DCBLD1: variants seen among roughly 807,000 people sequenced by gnomAD.
DCBLD1 encodes discoidin, CUB and LCCL domain-containing protein 1.
Under a neutral mutation model 71.5 loss-of-function variants are expected in DCBLD1, and 57 were observed. That is an observed-to-expected ratio of 0.80 (90% confidence interval 0.64 to 0.99). The LOEUF (loss-of-function observed/expected upper bound fraction) is 0.99, where lower values mean the gene tolerates loss of function less well. DCBLD1 is among the 50% of genes least tolerant of loss of function. The pLI is 0.00. For synonymous variants in DCBLD1, 380 were observed against 363.8 expected (o/e 1.04, Z -0.51); for missense variants, 891 against 923.5 (o/e 0.96, Z 0.46).
chr6:117,490,110 CA>C (rs1562426783), intron 1 of DCBLD1, among the ~76,000 whole-genome samples: 3 of 151,994 alleles, frequency 2.0e-5, no homozygotes, highest in African/African-American at 7.3e-5. Context: ...CACACACACA[CA>C]CACACACACA....
At chr6:117,497,990 T>G (rs1236426158) in intron 1 of DCBLD1, among the ~76,000 whole-genome samples, 1 of 152,250 alleles carries the variant, frequency 6.6e-6, no homozygotes, top group Non-Finnish European at 1.5e-5. Context: ...TGTATTAAAG[T>G]GTTTTCATGT....
chr6:117,547,611 A>G (rs1779310744), intron 14 of DCBLD1: 1 of 667,918 alleles, frequency 1.5e-6, no homozygotes, highest in African/African-American at 1.8e-5. Flanking sequence ...GCTTCTCCAG[A>G]GCCAGTTTCA....
At chr6:117,517,074 T>C (rs1778225237) in intron 2 of DCBLD1, among the ~76,000 whole-genome samples, 2 of 152,182 alleles carry the variant, frequency 1.3e-5, no homozygotes, top group African/African-American at 4.8e-5. Flanking sequence ...AACTTAAAAG[T>C]CCACAGTCCA....
At chr6:117,532,178 C>T (rs1778745374) in intron 5 of DCBLD1, 82 bp from the exon 6 acceptor site, 3 of 1,514,520 alleles carry the variant, frequency 2.0e-6, no homozygotes, top group Admixed American at 4.6e-5. Flanking sequence ...CTATAAATTA[C>T]CACAGAAACA....
intron 3 of DCBLD1, among the ~76,000 whole-genome samples, chr6:117,520,414 G>T (rs1324425227): frequency 2.6e-5 from 4 of 152,114 alleles, no homozygotes; most frequent in African/African-American, 9.7e-5. Context: ...AAAAACCTTG[G>T]ATAACACACT....
At chr6:117,538,975 A>G in intron 8 of DCBLD1, 140 bp downstream of exon 8, 1 of 930,582 alleles carries the variant, frequency 1.1e-6, no homozygotes, top group Non-Finnish European at 1.6e-6. Context: ...AATGTAACAA[A>G]TCTTTACATT....
rs932331437 is a variant in DCBLD1, at chr6:117,548,256, A to G, written c.1965A>G (p.Pro655=). 6.4e-7 allele frequency: 1 copy of G among 1,550,646 alleles called. No individual in the cohort carries two copies. Residue 655 remains proline (P), a synonymous_variant, in exon 15 of 15, where the codon CCA becomes CCG. Transcript: ENST00000338728. ...CCCAGGACGGAGACTATCAAAGGCC[A>G]CACAGCGCACAGCCTGCGGACAGGG... is the stretch of plus-strand genomic sequence containing the variant. ...VGAQDGDYQR[P]HSAQPADRGY...
chr6:117,498,735 C>G (rs1036438826), intron 1 of DCBLD1, among the ~76,000 whole-genome samples: 1 of 152,088 alleles, frequency 6.6e-6, no homozygotes, highest in African/African-American at 2.4e-5. Flanking sequence ...TTCTGCATCA[C>G]CTCTTTTTTG....
At position 117,532,445 on chromosome 6, in the gene DCBLD1, G is replaced by A; in HGVS notation, c.719+52G>A. 7 of 1,507,212 alleles carry A rather than the reference G, an allele frequency of 4.6e-6. 1 individual carries two copies. The highest frequency in any genetic ancestry group is 1.8e-4 in the Middle Eastern group (1 of 5,666). The allele number at this position is 1,507,212 out of a possible 1,614,324, so 93.4% of individuals were successfully genotyped here. ...GTTCTGAGTAGAAGGTAACCCTGAA[G>A]GATAATTAACCAGCTCACAACTTTG... On this transcript the variant is annotated intron_variant, in intron 6 of 14. Coordinates refer to ENST00000338728, the MANE Select transcript of DCBLD1 (RefSeq NM_001366458.2).
intron 14 of DCBLD1, among the ~76,000 whole-genome samples, chr6:117,555,480 G>A (rs561287614): frequency 1.7e-4 from 26 of 152,258 alleles, no homozygotes; most frequent in African/African-American, 6.3e-4. Context: ...GGCACCTAGT[G>A]AGCATGACAC....
rs911697910 is a variant in DCBLD1, at chr6:117,537,108, C to T, written c.720-77C>T. On this transcript the variant is annotated intron_variant, in intron 6 of 14. Transcript: ENST00000338728. ...AGCACAGGTGGGAAAGTTCTGTGAG[C>T]CCTGGGATGTAGCTATATTAGTCAC... 1.1e-5 allele frequency: 16 copies of T among 1,458,762 alleles called. No homozygotes were observed. In the African/African-American group the frequency reaches 1.1e-4, roughly 10 times the overall value. 90.4% of individuals were successfully genotyped at this position (1,458,762 alleles called of 1,614,324 possible).
intron 7 of DCBLD1, among the ~76,000 whole-genome samples, chr6:117,537,638 C>CTTTTT (rs1249795592): frequency 1.8e-3 from 105 of 58,032 alleles, no homozygotes; most frequent in Non-Finnish European, 2.2e-3. Flanking sequence ...TTTTTTTTTC[C>CTTTTT]TTTTTTCTCA....
intron 3 of DCBLD1, among the ~76,000 whole-genome samples, chr6:117,520,539 G>A (rs1778352447): frequency 6.6e-6 from 1 of 152,122 alleles, no homozygotes; most frequent in South Asian, 2.1e-4. Flanking sequence ...CGCAACACAC[G>A]CCAGTACACC....
intron 2 of DCBLD1, among the ~76,000 whole-genome samples, chr6:117,518,498 C>T (rs1051585687): frequency 6.6e-6 from 1 of 152,196 alleles, no homozygotes; most frequent in African/African-American, 2.4e-5. Flanking sequence ...CCCCACTCTA[C>T]TGGCACCAAC....
chr6:117,527,020 T>G (rs1778566175), intron 5 of DCBLD1, among the ~76,000 whole-genome samples: 1 of 152,200 alleles, frequency 6.6e-6, no homozygotes, highest in South Asian at 2.1e-4. Flanking sequence ...ATTCAGTTAC[T>G]TGTGTGTTAT....
chr6:117,506,102 A>T (rs1178829093), intron 2 of DCBLD1, among the ~76,000 whole-genome samples: 4 of 152,200 alleles, frequency 2.6e-5, no homozygotes, highest in Non-Finnish European at 5.9e-5. Flanking sequence ...AAATAAACAT[A>T]TTCAGTGCCT....
intron 1 of DCBLD1, among the ~76,000 whole-genome samples, chr6:117,491,613 A>G (rs1450978096): frequency 6.6e-6 from 1 of 152,172 alleles, no homozygotes; most frequent in Non-Finnish European, 1.5e-5. Flanking sequence ...CTTTAATATC[A>G]TCTAATACTC....
intron 4 of DCBLD1, among the ~76,000 whole-genome samples, chr6:117,524,623 A>G (rs1200462625): frequency 6.6e-6 from 1 of 152,194 alleles, no homozygotes; most frequent in African/African-American, 2.4e-5. Context: ...TGAGCACTTG[A>G]ACTGTGGTGA....
intron 12 of DCBLD1, 44 bp from the exon 13 acceptor site, chr6:117,544,484 T>A (rs756852640): frequency 6.2e-7 from 1 of 1,602,802 alleles, no homozygotes; most frequent in South Asian, 1.1e-5. Context: ...GAGAGGCAGA[T>A]ACATTGGCTT....
Sources: gnomAD v4.1 joint callset for allele counts (sites outside exome capture counted in the v4.1 genomes callset) on GRCh38, gnomAD v4.1.1 for gene constraint, MANE v1.5 for transcripts, NCBI Gene and HGNC (gene_info 2026-07-23, HGNC 2026-07-21) for gene names.